Variants in TENT5C observed in about 807,000 individuals in gnomAD.
The protein encoded by TENT5C is family with sequence similarity 46 member C.
TENT5C carries 5 observed loss-of-function variants against 22.2 expected under a neutral mutation model. That is an observed-to-expected ratio of 0.22 (90% CI 0.12 to 0.47). The LOEUF (loss-of-function observed/expected upper bound fraction) is 0.47, where lower values mean the gene tolerates loss of function less well. TENT5C is among the 20% of genes least tolerant of loss of function. The pLI is 0.99. For missense variants in TENT5C, 364 were observed against 500.9 expected (o/e 0.73, Z 2.61); for synonymous variants, 199 against 195.4 (o/e 1.02, Z -0.15).
chr1:117,611,024 C>T (rs1290365328), intron 1 of TENT5C, among the ~76,000 whole-genome samples: 1 of 152,186 alleles, frequency 6.6e-6, no homozygotes, highest in East Asian at 1.9e-4. Flanking sequence ...TTGTTTAGCC[C>T]TTATGAAGAT....
chr1:117,620,884 G>C (rs140394252), intron 1 of TENT5C, among the ~76,000 whole-genome samples: 1 of 152,266 alleles, frequency 6.6e-6, no homozygotes, highest in East Asian at 1.9e-4. Flanking sequence ...CCACAAAACT[G>C]GTTCCTGATA....
At chr1:117,609,199 C>T (rs1653611371) in intron 1 of TENT5C, among the ~76,000 whole-genome samples, 1 of 152,148 alleles carries the variant, frequency 6.6e-6, no homozygotes, top group South Asian at 2.1e-4. Context: ...TCTCTCAAAA[C>T]GTTTTTACGC....
chr1:117,627,811 A>G lies in TENT5C; in HGVS notation c.*3767A>G. On this transcript the variant is annotated 3_prime_UTR_variant, in exon 2 of 2. Coordinates refer to ENST00000369448, the MANE Select transcript of TENT5C (RefSeq NM_017709.4). ...GGCAACTTTTCAGGATTATTTGTGG[A>G]GAACTCTAAGGTTAAGATCAGGAAA... 1 of 247,858 alleles carries G rather than the reference A, an allele frequency of 4.0e-6. No homozygotes were observed. Among genetic ancestry groups the G allele is most frequent in the Non-Finnish European group, 8.5e-6 (1 of 118,094 alleles). The allele number at this position is 247,858 out of a possible 1,614,324, so 15.4% of individuals were successfully genotyped here.
rs570222704 is a variant in TENT5C, at chr1:117,626,904, A to G, written c.*2860A>G. 4.8e-5 allele frequency: 12 copies of G among 248,176 alleles called. No individual in the cohort carries two copies. The highest frequency in any genetic ancestry group is 2.6e-4 in the African/African-American group (12 of 45,462). The allele number at this position is 248,176 out of a possible 1,614,324, so 15.4% of individuals were successfully genotyped here. A position where few individuals can be genotyped will look rare whatever the true frequency, so the allele number is the denominator to read the frequency against. On this transcript the variant is annotated 3_prime_UTR_variant, in exon 2 of 2. Coordinates refer to ENST00000369448, the MANE Select transcript of TENT5C (RefSeq NM_017709.4). ...AGTCAGGTTGAGCATCAGTGAGATG[A>G]AGACAGTACCTTTTCCTCTCACATT...
chr1:117,608,189 T>C (rs1301383032), intron 1 of TENT5C, among the ~76,000 whole-genome samples: 1 of 152,180 alleles, frequency 6.6e-6, no homozygotes, highest in Non-Finnish European at 1.5e-5. Context: ...CCATATTTCT[T>C]ACGCTGTTTT....
At position 117,616,503 on chromosome 1, in the gene TENT5C, G is replaced by A. The variant is rs1467974946; in HGVS notation, c.-27-6339G>A. On this transcript the variant is annotated intron_variant, in intron 1 of 1. Coordinates refer to ENST00000369448, the MANE Select transcript of TENT5C (RefSeq NM_017709.4). ...CGGGGGAGGAGTTTGTGTGGAAGAT[G>A]TGTGGGAAGAGCCACAGGTGCACGG... Among the ~76,000 whole-genome samples, 9 of 152,208 alleles carry A rather than the reference G, an allele frequency of 5.9e-5. No individual in the cohort carries two copies. In the East Asian group the frequency reaches 1.7e-3, roughly 29 times the overall value.
At position 117,624,672 on chromosome 1, in the gene TENT5C, GT is replaced by G. The variant is rs1653972778; in HGVS notation, c.*631del. 1 of 248,072 alleles carries G rather than the reference GT, an allele frequency of 4.0e-6. No individual in the cohort carries two copies. The highest frequency in any genetic ancestry group is 2.2e-5 in the African/African-American group (1 of 45,312). 15.4% of individuals were successfully genotyped at this position (248,072 alleles called of 1,614,324 possible). On this transcript the variant is annotated 3_prime_UTR_variant, in exon 2 of 2. Coordinates refer to ENST00000369448, the MANE Select transcript of TENT5C (RefSeq NM_017709.4). Reference sequence around the variant, plus strand: ...GAGAATTGAGATCTGGTTGAAAGTGGTTTATGGTTTACATGCTGTACTATCC... The same window carrying G: ...GAGAATTGAGATCTGGTTGAAAGTGGTTATGGTTTACATGCTGTACTATCC...
At chr1:117,610,803 A>G (rs1003054541) in intron 1 of TENT5C, among the ~76,000 whole-genome samples, 1 of 152,238 alleles carries the variant, frequency 6.6e-6, no homozygotes, top group Non-Finnish European at 1.5e-5. Flanking sequence ...CTGGGATTAC[A>G]GGTGTGAGCC....
At chr1:117,607,710 C>A (rs180764246) in intron 1 of TENT5C, among the ~76,000 whole-genome samples, 120 of 152,228 alleles carry the variant, frequency 7.9e-4, no homozygotes, top group African/African-American at 2.8e-3. Context: ...GAGAGCTTAC[C>A]CAGAATTTTA....
chr1:117,619,658 A>G (rs941200550), intron 1 of TENT5C, among the ~76,000 whole-genome samples: 1 of 152,064 alleles, frequency 6.6e-6, no homozygotes, highest in African/African-American at 2.4e-5. Context: ...TTAGAGTTTC[A>G]TGCTTTTACA....
At position 117,624,190 on chromosome 1, in the gene TENT5C, A is replaced by G. The variant is rs1303558771; in HGVS notation, c.*146A>G. 3 of 685,490 alleles carry G rather than the reference A, an allele frequency of 4.4e-6. No homozygotes were observed. The African/African-American group carries it at 6.7e-5, about 15-fold the overall frequency. 42.5% of individuals were successfully genotyped at this position (685,490 alleles called of 1,614,324 possible). A position where few individuals can be genotyped will look rare whatever the true frequency, so the allele number is the denominator to read the frequency against. ...TTTTTTTTTTTTTTTTCCTTTGTGT[A>G]CCCATTGGAATGGGTCTACAGTGTA... On this transcript the variant is annotated 3_prime_UTR_variant, in exon 2 of 2. Transcript: ENST00000369448.
intron 1 of TENT5C, among the ~76,000 whole-genome samples, chr1:117,608,280 A>G (rs963527787): frequency 6.6e-6 from 1 of 152,206 alleles, no homozygotes; most frequent in African/African-American, 2.4e-5. Flanking sequence ...CCTGCTTGTC[A>G]GAGTGAGCAT....
At chr1:117,619,723 C>CCT (rs57810166) in intron 1 of TENT5C, among the ~76,000 whole-genome samples, 109,663 of 151,750 alleles carry the variant, frequency 0.72, 40,363 homozygotes, top group African/African-American at 0.87. Flanking sequence ...ATAGGGAGTC[C>CCT]TTCATTTTTT....
At chr1:117,618,181 T>C (rs1158721538) in intron 1 of TENT5C, among the ~76,000 whole-genome samples, 1 of 152,228 alleles carries the variant, frequency 6.6e-6, no homozygotes, top group Non-Finnish European at 1.5e-5. Flanking sequence ...GAAGTTGTCA[T>C]GGAAGATGCT....
Position 117,624,675 on chromosome 1 carries a change from T to C in TENT5C, c.*631T>C, listed in dbSNP as rs965997000. The C allele has an allele frequency of 3.2e-5, 8 of 248,300 alleles. No individual in the cohort carries two copies. The highest frequency in any genetic ancestry group is 1.8e-4 in the African/African-American group (8 of 45,468). 15.4% of individuals were successfully genotyped at this position (248,300 alleles called of 1,614,324 possible). The stretch of plus-strand genomic sequence containing the variant: ...AATTGAGATCTGGTTGAAAGTGGTT[T>C]ATGGTTTACATGCTGTACTATCCTG... On this transcript the variant is annotated 3_prime_UTR_variant, in exon 2 of 2. Transcript: ENST00000369448.
intron 1 of TENT5C, among the ~76,000 whole-genome samples, chr1:117,606,513 A>G (rs1228541073): frequency 6.6e-6 from 1 of 152,154 alleles, no homozygotes; most frequent in Non-Finnish European, 1.5e-5. Flanking sequence ...GGGCGTCTGA[A>G]GAGTGTGTGA....
chr1:117,618,519 C>T (rs1653832602), intron 1 of TENT5C, among the ~76,000 whole-genome samples: 1 of 151,340 alleles, frequency 6.6e-6, no homozygotes, highest in African/African-American at 2.4e-5. Context: ...TCAGCATTTA[C>T]ATCTTGGAGG....
Position 117,623,288 on chromosome 1 carries a change from G to T in TENT5C, c.420G>T (p.Gln140His). ...TCACTCTGAAGGAGGCATATGTGCA[G>T]AAGCTAGTGAAGGTTTGCACGGACA... ...SPVTLKEAYV[Q>H]KLVKVCTDTD... The change falls in exon 2 of 2, where the codon CAG becomes CAT. Residue 140 changes from glutamine (Q) to histidine (H), a missense_variant. Physicochemically the swap from Gln to His is conservative, Grantham distance 24. This residue lies in a region of TENT5C where 303 missense variants were observed against 394.5 expected (regional missense o/e 0.77). Coordinates refer to ENST00000369448, the MANE Select transcript of TENT5C (RefSeq NM_017709.4). 1 of 1,614,206 alleles carries T rather than the reference G, an allele frequency of 6.2e-7. No individual in the cohort carries two copies. Among genetic ancestry groups the T allele is most frequent in the Non-Finnish European group, 8.5e-7 (1 of 1,180,036 alleles).
At chr1:117,619,284 A>G (rs1262310629) in intron 1 of TENT5C, among the ~76,000 whole-genome samples, 1 of 152,148 alleles carries the variant, frequency 6.6e-6, no homozygotes, top group Non-Finnish European at 1.5e-5. Flanking sequence ...CACATATCAG[A>G]CTTAGTGATC....
Sources: gnomAD v4.1 joint callset for allele counts (sites outside exome capture counted in the v4.1 genomes callset) on GRCh38, gnomAD v4.1.1 for gene constraint, gnomAD v4.1.1 regional missense constraint, MANE v1.5 for transcripts, NCBI Gene and HGNC (gene_info 2026-07-23, HGNC 2026-07-21) for gene names.